The following DACT1 variants were observed in gnomAD, a reference collection of about 807,000 sequenced individuals.
DACT1 encodes dishevelled binding antagonist of beta catenin 1.
DACT1 carries 19 observed loss-of-function variants against 35.3 expected under a neutral mutation model. That is an observed-to-expected ratio of 0.54 (90% CI 0.38 to 0.79). The LOEUF (loss-of-function observed/expected upper bound fraction) is 0.79. DACT1 is among the 30% of genes least tolerant of loss of function. The probability of loss-of-function intolerance (pLI) is 0.00; values close to 1 mark genes in which losing one functional copy is unlikely to be tolerated. For synonymous variants in DACT1, 545 were observed against 466.7 expected (o/e 1.17, Z -2.16); for missense variants, 1,143 against 1,057.5 (o/e 1.08, Z -1.12).
In DACT1 at chr14:58,638,131, A is replaced by G. The variant is rs1335910591; in HGVS notation, c.-72A>G. ...GCGGCATGAGCCCACCCGCGGCCGC[A>G]GCCCTAGCGCCCTGCTCCTCCGCCT... On this transcript the variant is annotated 5_prime_UTR_variant, in exon 1 of 4. Coordinates refer to ENST00000395153, the MANE Select transcript of DACT1 (RefSeq NM_001079520.2). 19 of 1,230,698 alleles carry G rather than the reference A, an allele frequency of 1.5e-5. No individual in the cohort carries two copies. Among genetic ancestry groups the G allele is most frequent in the Non-Finnish European group, 1.9e-5 (19 of 985,656 alleles). The allele number at this position is 1,230,698 out of a possible 1,614,324, so 76.2% of individuals were successfully genotyped here.
chr14:58,646,319 A>G lies in DACT1; in HGVS notation c.1585A>G (p.Ser529Gly). ...CCAGTTTATCCCGGGGCAGCAGCCC[A>G]GTGTCAGGCTCCACCGGGGCCACAG... is the stretch of plus-strand genomic sequence containing the variant. ...KAQFIPGQQPSVRLHRGHRNM... is the reference protein window; with the variant it reads ...KAQFIPGQQPGVRLHRGHRNM... The change falls in exon 4 of 4, where the codon AGT becomes GGT. Residue 529 changes from serine to glycine, a missense_variant. Physicochemically the swap from Ser to Gly is moderately conservative, Grantham distance 56 (BLOSUM62 0). Transcript: ENST00000395153. 6.2e-7 allele frequency: 1 copy of G among 1,610,002 alleles called. No homozygotes were observed. The highest frequency in any genetic ancestry group is 8.5e-7 in the Non-Finnish European group (1 of 1,179,008).
At chr14:58,638,988 G>A in intron 1 of DACT1, 1 of 986,372 alleles carries the variant, frequency 1.0e-6, no homozygotes, top group Non-Finnish European at 1.2e-6. Context: ...AGCCAAGGAG[G>A]GGGTTTGTGG....
intron 3 of DACT1, among the ~76,000 whole-genome samples, chr14:58,644,760 C>T (rs1450581374): frequency 1.3e-5 from 2 of 152,134 alleles, no homozygotes; most frequent in African/African-American, 2.4e-5. Context: ...GGAGAGCAGC[C>T]TAGAGAAACA....
At chr14:58,640,584 G>A (rs902313302) in intron 1 of DACT1, 152 bp from the exon 2 acceptor site, 16 of 738,650 alleles carry the variant, frequency 2.2e-5, no homozygotes, top group Admixed American at 1.9e-4. Context: ...TTGAATTCTC[G>A]AAGTTTTTCG....
At chr14:58,636,363 G>C (rs2047572553), upstream of DACT1, among the ~76,000 whole-genome samples, 1 of 152,178 alleles carries the variant, frequency 6.6e-6, no homozygotes, top group Non-Finnish European at 1.5e-5. Flanking sequence ...GCAATTGTCA[G>C]GTGAATGCTT....
intron 3 of DACT1, among the ~76,000 whole-genome samples, chr14:58,644,396 TA>T (rs2047654330): frequency 6.6e-6 from 1 of 152,230 alleles, no homozygotes; most frequent in Non-Finnish European, 1.5e-5. Context: ...AAAGTTTTTT[TA>T]AATTAAAAAT....
At chr14:58,644,155 C>T (rs2140216840) in intron 3 of DACT1, among the ~76,000 whole-genome samples, 1 of 152,292 alleles carries the variant, frequency 6.6e-6, no homozygotes, top group Admixed American at 6.5e-5. Flanking sequence ...TATTCACCAA[C>T]TTAAGAGATC....
chr14:58,646,062 A>G lies in DACT1; in HGVS notation c.1328A>G (p.Gln443Arg), dbSNP rs1261172447. 3.7e-6 allele frequency: 6 copies of G among 1,613,812 alleles called. 1 individual carries two copies. The highest frequency in any genetic ancestry group is 1.7e-5 in the Admixed American group (1 of 59,976). The change falls in exon 4 of 4, where the codon CAG becomes CGG. Residue 443 changes from glutamine (Q) to arginine (R), a missense_variant. By Grantham distance (43) the Gln-to-Arg change is conservative. Transcript: ENST00000395153. ...GTGESPKESA[Q>R]LSGASPKESP... ...GGGGAGTCCCCTAAGGAAAGCGCTC[A>G]GCTCTCAGGGGCCTCTCCAAAAGAG... is the stretch of plus-strand genomic sequence containing the variant.
chr14:58,637,499 C>T (rs543805096), upstream of DACT1, among the ~76,000 whole-genome samples: 2 of 152,340 alleles, frequency 1.3e-5, no homozygotes, highest in South Asian at 2.1e-4. Context: ...AAACCTAACT[C>T]GGTGTGAGTG....
In DACT1 at chr14:58,646,679, T is replaced by C; in HGVS notation, c.1945T>C (p.Ser649Pro). Residue 649 changes from serine (S) to proline (P), a missense_variant, in exon 4 of 4, where the codon TCC becomes CCC. Physicochemically the swap from Ser to Pro is moderately conservative, Grantham distance 74. Transcript: ENST00000395153. Reference sequence around the variant, plus strand: ...GCGGTGGAAGTCCTCGGCCGAGATTTCCTACGAAGAGGCCCTGAGGAGGGC... The same window carrying C: ...GCGGTGGAAGTCCTCGGCCGAGATTCCCTACGAAGAGGCCCTGAGGAGGGC... ...YRRWKSSAEI[S>P]YEEALRRARR... The C allele has an allele frequency of 6.2e-7, 1 of 1,612,698 alleles. No homozygotes were observed. Among genetic ancestry groups the C allele is most frequent in the Non-Finnish European group, 8.5e-7 (1 of 1,179,826 alleles).
intron 1 of DACT1, 34 bp downstream of exon 1, chr14:58,638,581 C>A: frequency 7.6e-7 from 1 of 1,315,194 alleles, no homozygotes. Context: ...CACGGCTGTT[C>A]CTGCCCAGGG....
intron 3 of DACT1, 31 bp from the exon 4 acceptor site, chr14:58,645,335 ACAC>A: frequency 6.2e-7 from 1 of 1,614,206 alleles, no homozygotes; most frequent in Non-Finnish European, 8.5e-7. Context: ...TTCCCTCTCC[ACAC>A]CACAATTTAA....
chr14:58,640,643 T>G, intron 1 of DACT1, 93 bp from the exon 2 acceptor site: 1 of 1,461,386 alleles, frequency 6.8e-7, no homozygotes, highest in Non-Finnish European at 9.2e-7. Context: ...TTTAGTGAAC[T>G]CTTCAGATGG....
rs2047605283 is a variant in DACT1, at chr14:58,639,244, A to G, written c.345+697A>G. The G allele has an allele frequency of 7.1e-6, 7 of 985,444 alleles. No homozygotes were observed. The South Asian group carries it at 2.8e-4, about 40-fold the overall frequency. The allele number at this position is 985,444 out of a possible 1,614,324, so 61.0% of individuals were successfully genotyped here. A position where few individuals can be genotyped will look rare whatever the true frequency, so the allele number is the denominator to read the frequency against. ...CTGTGATTGGTGGTGGAGGTGGGAG[A>G]AAAGAGAACCTGCTCTCGGTAAGCA... On this transcript the variant is annotated intron_variant, in intron 1 of 3. Coordinates refer to ENST00000395153, the MANE Select transcript of DACT1 (RefSeq NM_001079520.2).
chr14:58,644,810 G>T (rs975455536), intron 3 of DACT1, among the ~76,000 whole-genome samples: 2 of 152,204 alleles, frequency 1.3e-5, no homozygotes, highest in East Asian at 3.8e-4. Context: ...ACGCAGTACA[G>T]ACAGTTTAAC....
At position 58,646,698 on chromosome 14, in the gene DACT1, G is replaced by A. The variant is rs780535806; in HGVS notation, c.1964G>A (p.Arg655Lys). 1.2e-6 allele frequency: 2 copies of A among 1,613,214 alleles called. No homozygotes were observed. Among genetic ancestry groups the A allele is most frequent in the South Asian group, 2.2e-5 (2 of 91,070 alleles). Residue 655 changes from arginine (R) to lysine (K), a missense_variant, in exon 4 of 4, where the codon AGG becomes AAG. Coordinates refer to ENST00000395153, the MANE Select transcript of DACT1 (RefSeq NM_001079520.2). ...GAGATTTCCTACGAAGAGGCCCTGA[G>A]GAGGGCCCGGCGCGGTCGCCGGGAG... ...SAEISYEEAL[R>K]RARRGRRENV...
At chr14:58,638,869 G>C in intron 1 of DACT1, 1 of 1,071,974 alleles carries the variant, frequency 9.3e-7, no homozygotes, top group Non-Finnish European at 1.1e-6. Flanking sequence ...GGTCTCCTTA[G>C]TTAGATGAGT....
rs763171388 is a variant in DACT1 at position 58,645,493 on chromosome 14, C to T, written c.759C>T (p.Asn253=). 6.2e-6 allele frequency: 10 copies of T among 1,614,106 alleles called. No homozygotes were observed. The Middle Eastern group carries it at 8.2e-4, about 133-fold the overall frequency. ...TGTTTCTCCTTTGTCTGACGGGCAA[C>T]CCTCTGAGGGAAGAGGACAGGCTTG... ...SPMFLLCLTG[N]PLREEDRLGN... Residue 253 remains asparagine (N), a synonymous_variant, in exon 4 of 4, where the codon AAC becomes AAT. Coordinates refer to ENST00000395153, the MANE Select transcript of DACT1 (RefSeq NM_001079520.2).
chr14:58,640,915 T>C, intron 2 of DACT1, 47 bp downstream of exon 2: 1 of 1,607,320 alleles, frequency 6.2e-7, no homozygotes, highest in Non-Finnish European at 8.5e-7. Context: ...TTGAGTTGTA[T>C]CTCAGCCCCT....
Sources: allele counts gnomAD v4.1 joint callset (sites outside exome capture counted in the v4.1 genomes callset), GRCh38; gene constraint gnomAD v4.1.1; transcripts MANE v1.5; gene names NCBI Gene and HGNC (gene_info 2026-07-23, HGNC 2026-07-21).